Variants in VIM observed in about 807,000 individuals in gnomAD.
VIM encodes the protein vimentin, also known as epididymis secretory sperm binding protein.
Under a neutral mutation model 50.3 loss-of-function variants are expected in VIM, and 18 were observed. The ratio of observed to expected loss-of-function variants is 0.36; its 90% confidence interval spans 0.25 to 0.53. VIM has a LOEUF of 0.53. Ranked by LOEUF, VIM falls within the 20% of genes least tolerant of loss-of-function variation. VIM has a pLI of 0.91. For synonymous variants in VIM, 245 were observed against 248.5 expected, an observed-to-expected ratio of 0.99 and a Z score of 0.13; for missense variants, 551 against 614.7, an observed-to-expected ratio of 0.90 and a Z score of 1.10.
At position 17,235,214 on chromosome 10, in the gene VIM, G is replaced by T; in HGVS notation, c.1054G>T (p.Ala352Ser). 6.2e-7 allele frequency: 1 copy of T among 1,614,230 alleles called. No individual in the cohort carries two copies. Among genetic ancestry groups the T allele is most frequent in the Non-Finnish European group, 8.5e-7 (1 of 1,180,036 alleles). Reference sequence around the variant, plus strand: ...GATGCGTGAAATGGAAGAGAACTTTGCCGTTGAAGCTGCTAACTACCAAGA... The same window carrying T: ...GATGCGTGAAATGGAAGAGAACTTTTCCGTTGAAGCTGCTAACTACCAAGA... Reference protein sequence around the residue: ...RQMREMEENFAVEAANYQDTI... With the variant: ...RQMREMEENFSVEAANYQDTI... Residue 352 changes from alanine to serine, a missense_variant, in exon 7 of 10, where the codon GCC (alanine) becomes TCC (serine). Physicochemically the swap from Ala to Ser is moderately conservative, Grantham distance 99 (BLOSUM62 1). This residue lies in a region of VIM where 394 missense variants were observed against 437.5 expected (regional missense o/e 0.90). Transcript: ENST00000544301.
At position 17,229,319 on chromosome 10, in the gene VIM, G is replaced by GCCGCGCTCCCACCACCCACACCCA; in HGVS notation, c.-97_-74dup. On this transcript the variant is annotated 5_prime_UTR_variant, in exon 2 of 10. Coordinates refer to ENST00000544301, the MANE Select transcript of VIM (RefSeq NM_003380.5). ...CCGAGGTCCCCGCGCCAGAGACGCA[G>GCCGCGCTCCCACCACCCACACCCA]CCGCGCTCCCACCACCCACACCCAC... 8.0e-7 allele frequency: 1 copy of GCCGCGCTCCCACCACCCACACCCA among 1,243,886 alleles called. No individual in the cohort carries two copies. Among genetic ancestry groups the GCCGCGCTCCCACCACCCACACCCA allele is most frequent in the South Asian group, 1.3e-5 (1 of 74,744 alleles). 77.1% of individuals were successfully genotyped at this position (1,243,886 alleles called of 1,614,324 possible). A position where few individuals can be genotyped will look rare whatever the true frequency, so the allele number is the denominator to read the frequency against.
chr10:17,230,522 A>G, intron 2 of VIM, 128 bp from the exon 3 acceptor site: 2 of 1,050,984 alleles, frequency 1.9e-6, no homozygotes, highest in Non-Finnish European at 3.0e-6. Context: ...TGAAAGCTGC[A>G]GGCGCTAGTT....
Position 17,229,461 on chromosome 10 carries a change from G to A in VIM, c.39G>A (p.Arg13=). 6.2e-7 allele frequency: 1 copy of A among 1,607,060 alleles called. No homozygotes were observed. The highest frequency in any genetic ancestry group is 1.7e-5 in the Admixed American group (1 of 59,924). ...CCGTGTCCTCGTCCTCCTACCGCAGGATGTTCGGCGGCCCGGGCACCGCGA... is the reference window on the plus strand; with the variant it reads ...CCGTGTCCTCGTCCTCCTACCGCAGAATGTTCGGCGGCCCGGGCACCGCGA... ...TRSVSSSSYR[R]MFGGPGTASR... Residue 13 remains arginine, a synonymous_variant, in exon 2 of 10, where the codon AGG becomes AGA. Coordinates refer to ENST00000544301, the MANE Select transcript of VIM (RefSeq NM_003380.5).
In VIM at chr10:17,237,454, C is replaced by T. The variant is rs1443547684; in HGVS notation, c.*183C>T. ...CCTACAAGATTTAGAAAAAAGTTTA[C>T]AACATAATCTAGTTTACAGAAAAAT... On this transcript the variant is annotated 3_prime_UTR_variant, in exon 10 of 10. Transcript: ENST00000544301. The T allele has an allele frequency of 3.3e-6, 2 of 606,290 alleles. No homozygotes were observed. Among genetic ancestry groups the T allele is most frequent in the Admixed American group, 3.2e-5 (1 of 31,260 alleles). 37.6% of individuals were successfully genotyped at this position (606,290 alleles called of 1,614,324 possible). A position where few individuals can be genotyped will look rare whatever the true frequency, so the allele number is the denominator to read the frequency against.
rs902288870 is a variant in VIM at position 17,229,811 on chromosome 10, T to A, written c.389T>A (p.Ile130Asn). Residue 130 changes from isoleucine (I) to asparagine (N), a missense_variant, in exon 2 of 10, where the codon ATC (isoleucine) becomes AAC (asparagine). Ile to Asn is a moderately radical substitution (Grantham distance 149). Transcript: ENST00000544301. ...KVRFLEQQNKILLAELEQLKG... is the reference protein window; with the variant it reads ...KVRFLEQQNKNLLAELEQLKG... ...CGCTTCCTGGAGCAGCAGAATAAGATCCTGCTGGCCGAGCTCGAGCAGCTC... is the reference window on the plus strand; with the variant it reads ...CGCTTCCTGGAGCAGCAGAATAAGAACCTGCTGGCCGAGCTCGAGCAGCTC... 1.3e-6 allele frequency: 2 copies of A among 1,599,104 alleles called. No homozygotes were observed. Among genetic ancestry groups the A allele is most frequent in the African/African-American group, 1.3e-5 (1 of 74,846 alleles).
At chr10:17,233,488 A>T in intron 3 of VIM, 99 bp from the exon 4 acceptor site, 1 of 1,201,574 alleles carries the variant, frequency 8.3e-7, no homozygotes, top group Non-Finnish European at 1.2e-6. Context: ...TTTCTATAGT[A>T]AGGAGACTAG....
At chr10:17,235,797 T>A (rs770507415) in intron 7 of VIM, 49 bp from the exon 8 acceptor site, 1 of 1,563,674 alleles carries the variant, frequency 6.4e-7, no homozygotes, top group Non-Finnish European at 8.8e-7. Flanking sequence ...TTCCCAGTGG[T>A]TGAAGTTATT....
chr10:17,235,030 TA>T, intron 6 of VIM, 138 bp from the exon 7 acceptor site: 1 of 1,173,928 alleles, frequency 8.5e-7, no homozygotes, highest in Non-Finnish European at 1.2e-6. Context: ...AAGGACTTGG[TA>T]CTCGCATTCT....
chr10:17,237,223 T>A lies in VIM; in HGVS notation c.1360-7T>A, dbSNP rs79883999. 1.2e-4 allele frequency: 195 copies of A among 1,599,386 alleles called. No homozygotes were observed. Among genetic ancestry groups the A allele is most frequent in the Non-Finnish European group, 1.6e-4 (184 of 1,170,864 alleles). ...TTATATTTATTTTGGTTTTTTTTTT[T>A]AAACAGGTTATCAACGAAACTTCTC... On this transcript the variant is annotated splice_region_variant and splice_polypyrimidine_tract_variant and intron_variant, in intron 9 of 9. Transcript: ENST00000544301.
intron 5 of VIM, chr10:17,234,184 T>G (rs1846846896): frequency 2.2e-6 from 1 of 451,094 alleles, no homozygotes; most frequent in African/African-American, 2.0e-5. Context: ...GGCAACATCT[T>G]GGCACACTGC....
intron 3 of VIM, chr10:17,233,352 C>G: frequency 1.9e-6 from 1 of 525,452 alleles, no homozygotes. Context: ...ATTGTCTGAT[C>G]ACCACCTTGA....
chr10:17,230,208 C>T, intron 2 of VIM: 2 of 615,382 alleles, frequency 3.3e-6, no homozygotes, highest in Non-Finnish European at 5.7e-6. Context: ...CACACATTGC[C>T]CAAGGACGCT....
chr10:17,230,526 G>A, intron 2 of VIM, 124 bp from the exon 3 acceptor site: 1 of 1,088,160 alleles, frequency 9.2e-7, no homozygotes, highest in East Asian at 2.4e-5. Context: ...AGCTGCAGGC[G>A]CTAGTTGCGC....
Position 17,233,676 on chromosome 10 carries a change from C to T in VIM, c.714C>T (p.His238=), listed in dbSNP as rs141244457. 484 of 1,614,004 alleles carry T rather than the reference C, an allele frequency of 3.0e-4. No homozygotes were observed. Among genetic ancestry groups the T allele is most frequent in the Non-Finnish European group, 3.9e-4 (465 of 1,180,030 alleles). Residue 238 remains histidine, a synonymous_variant, in exon 4 of 10, where the codon CAC becomes CAT. Coordinates refer to ENST00000544301, the MANE Select transcript of VIM (RefSeq NM_003380.5). ...QEEIAFLKKL[H]EEEIQELQAQ... ...AGATTGCCTTTTTGAAGAAACTCCA[C>T]GAAGAGGTTAGTGGAGTGACTTTCG...
rs910031805 is a variant in VIM at position 17,228,498 on chromosome 10, C to CCT, written c.-172_-171dup. On this transcript the variant is annotated 5_prime_UTR_variant, in exon 1 of 10. Transcript: ENST00000544301. The stretch of plus-strand genomic sequence containing the variant: ...CGGTTTCCCCTAAACCGCTAGGAGC[C>CCT]CTCAATCGGCGGGACAGCAGGGCGC... 4 of 152,236 alleles carry CCT rather than the reference C, an allele frequency of 2.6e-5. No homozygotes were observed. The highest frequency in any genetic ancestry group is 9.7e-5 in the African/African-American group (4 of 41,444). The allele number at this position is 152,236 out of a possible 1,614,324, so 9.4% of individuals were successfully genotyped here. A position where few individuals can be genotyped will look rare whatever the true frequency, so the allele number is the denominator to read the frequency against.
chr10:17,232,600 C>T (rs548225076), intron 3 of VIM, among the ~76,000 whole-genome samples: 22 of 152,296 alleles, frequency 1.4e-4, no homozygotes, highest in African/African-American at 4.6e-4. Flanking sequence ...CAGAGAAAGC[C>T]AAGCAAATAC....
In VIM at chr10:17,235,881, A is replaced by C; in HGVS notation, c.1265A>C (p.Asn422Thr). Reference sequence around the variant, plus strand: ...CCTCTTCCAAACTTTTCCTCCCTGAACCTGAGGGGTAAGCATTTTATTTCC... The same window carrying C: ...CCTCTTCCAAACTTTTCCTCCCTGACCCTGAGGGGTAAGCATTTTATTTCC... ...SLPLPNFSSL[N>T]LRETNLDSLP... is the part of the protein sequence containing the mutation. The change falls in exon 8 of 10, where the codon AAC becomes ACC. Residue 422 changes from asparagine (N) to threonine (T), a missense_variant. Asn to Thr is a moderately conservative substitution (Grantham distance 65, BLOSUM62 0). Coordinates refer to ENST00000544301, the MANE Select transcript of VIM (RefSeq NM_003380.5). 3 of 1,613,702 alleles carry C rather than the reference A, an allele frequency of 1.9e-6. No homozygotes were observed. Among genetic ancestry groups the C allele is most frequent in the Non-Finnish European group, 2.5e-6 (3 of 1,179,710 alleles).
chr10:17,237,243 C>T lies in VIM; in HGVS notation c.1373C>T (p.Thr458Ile), dbSNP rs771777895. 1.2e-6 allele frequency: 2 copies of T among 1,605,108 alleles called. No homozygotes were observed. Among genetic ancestry groups the T allele is most frequent in the African/African-American group, 1.3e-5 (1 of 74,638 alleles). Residue 458 changes from threonine (T) to isoleucine (I), a missense_variant, in exon 10 of 10, where the codon ACT (threonine) becomes ATT (isoleucine). By Grantham distance (89) the Thr-to-Ile change is moderately conservative. Around this residue, in one of 3 missense-constraint regions of VIM, gnomAD observed 394 missense variants for 437.5 expected, o/e 0.90. Coordinates refer to ENST00000544301, the MANE Select transcript of VIM (RefSeq NM_003380.5). ...ETRDGQVINETSQHHDDLE is the reference protein window; with the variant it reads ...ETRDGQVINEISQHHDDLE ...TTTTTTAAACAGGTTATCAACGAAA[C>T]TTCTCAGCATCACGATGACCTTGAA...
Position 17,236,201 on chromosome 10 carries a change from C to G in VIM, c.1274-93C>G, listed in dbSNP as rs989443795. ...TAGTACTTTACACAATTGCCTCTCC[C>G]CCACAAATCATAATTGTTTCAGTAA... On this transcript the variant is annotated intron_variant, in intron 8 of 9. Coordinates refer to ENST00000544301, the MANE Select transcript of VIM (RefSeq NM_003380.5). 84 of 1,048,114 alleles carry G rather than the reference C, an allele frequency of 8.0e-5. 1 individual carries two copies. The Admixed American group carries it at 1.4e-3, about 17-fold the overall frequency. 64.9% of individuals were successfully genotyped at this position (1,048,114 alleles called of 1,614,324 possible).
Sources: gnomAD v4.1 joint callset for allele counts (sites outside exome capture counted in the v4.1 genomes callset) on GRCh38, gnomAD v4.1.1 for gene constraint, gnomAD v4.1.1 regional missense constraint, MANE v1.5 for transcripts, NCBI Gene and HGNC (gene_info 2026-07-23, HGNC 2026-07-21) for gene names.